Variants in ZNF221 observed in about 807,000 individuals in gnomAD.
ZNF221 encodes the protein zinc finger protein 221.
In ZNF221, 10 loss-of-function variants were observed where a neutral mutation model predicts 12.6. That is an observed-to-expected ratio of 0.79 (90% CI 0.49 to 1.34). The LOEUF (loss-of-function observed/expected upper bound fraction) is 1.34. ZNF221 is among the 40% of genes most tolerant of loss of function. The pLI, the probability that ZNF221 is intolerant of heterozygous loss-of-function variation, is 0.00. For missense variants in ZNF221, 661 were observed against 721.4 expected, an observed-to-expected ratio of 0.92 and a Z score of 0.96; for synonymous variants, 232 against 244.0, an observed-to-expected ratio of 0.95 and a Z score of 0.46.
intron 1 of ZNF221, among the ~76,000 whole-genome samples, chr19:43,955,421 C>G (rs1275881268): frequency 6.6e-6 from 1 of 152,178 alleles, no homozygotes; most frequent in Admixed American, 6.5e-5. Flanking sequence ...ATTTCACGGA[C>G]CCAGGCAGCC....
chr19:43,974,053 C>T, the ZNF221 span, among the ~76,000 whole-genome samples: 1 of 152,088 alleles, frequency 6.6e-6, no homozygotes, highest in Non-Finnish European at 1.5e-5. Flanking sequence ...CAAAAACAGA[C>T]ACATAGACAA....
In ZNF221 at chr19:43,967,227, A is replaced by G; in HGVS notation, c.1725A>G (p.Ser575=). 2.5e-6 allele frequency: 4 copies of G among 1,613,902 alleles called. No homozygotes were observed. Among genetic ancestry groups the G allele is most frequent in the Non-Finnish European group, 3.4e-6 (4 of 1,179,920 alleles). Residue 575 remains serine (S), a synonymous_variant, in exon 5 of 5, where the codon TCA becomes TCG. Coordinates refer to ENST00000587682, the MANE Select transcript of ZNF221 (RefSeq NM_001297588.2). ...KECGKSFGWA[S]CLLKHQRLHS... ...GTGGAAAGAGCTTTGGCTGGGCTTC[A>G]TGTCTTTTGAAACATCAGAGACTCC...
intron 1 of ZNF221, among the ~76,000 whole-genome samples, chr19:43,953,091 C>G (rs1351691117): frequency 1.3e-5 from 2 of 151,992 alleles, no homozygotes; most frequent in Admixed American, 6.6e-5. Flanking sequence ...CTTAGCCTCC[C>G]AAGTAGCTGG....
At position 43,952,410 on chromosome 19, in the gene ZNF221, A is replaced by G. The variant is rs185231457; in HGVS notation, c.-3+1010A>G. ...ATTTTTCTTTTACAGTAACGTTCAC[A>G]TCTATTGTAGGATGCTGTAATCGGG... On this transcript the variant is annotated intron_variant, in intron 1 of 4. Transcript: ENST00000587682. Among the ~76,000 whole-genome samples the G allele has an allele frequency of 6.1e-4, 93 of 152,322 alleles. 1 individual carries two copies. The highest frequency in any genetic ancestry group is 6.8e-3 in the Middle Eastern group (2 of 294).
At position 43,966,197 on chromosome 19, in the gene ZNF221, G is replaced by A. The variant is rs1974949371; in HGVS notation, c.695G>A (p.Gly232Asp). The A allele has an allele frequency of 6.2e-7, 1 of 1,614,186 alleles. No homozygotes were observed. Among genetic ancestry groups the A allele is most frequent in the Non-Finnish European group, 8.5e-7 (1 of 1,180,038 alleles). Residue 232 changes from glycine to aspartate, a missense_variant, in exon 5 of 5, where the codon GGT becomes GAT. Physicochemically the swap from Gly to Asp is moderately conservative, Grantham distance 94. Transcript: ENST00000587682. ...GEKCYKCDVC[G>D]KEFNQSSHLQ... ...AAATGCTATAAGTGTGATGTGTGTGGTAAGGAATTTAATCAGAGCTCACAT... is the reference window on the plus strand; with the variant it reads ...AAATGCTATAAGTGTGATGTGTGTGATAAGGAATTTAATCAGAGCTCACAT...
chr19:43,964,757 G>A (rs1974907852), intron 2 of ZNF221, among the ~76,000 whole-genome samples, 193 bp from the exon 3 acceptor site: 1 of 152,138 alleles, frequency 6.6e-6, no homozygotes, highest in Admixed American at 6.6e-5. Flanking sequence ...TTGCACTTCT[G>A]ATGAAGCTCA....
In ZNF221 at chr19:43,966,689, G is replaced by A. The variant is rs750797026; in HGVS notation, c.1187G>A (p.Cys396Tyr). The A allele has an allele frequency of 3.1e-6, 5 of 1,614,222 alleles. No homozygotes were observed. In the South Asian group the frequency reaches 3.3e-5, roughly 11 times the overall value. ...CACACAGGAGAGAAACCATATAATT[G>A]TAAAGAATGTGGGAAGACCTTCAGA... The part of the protein sequence containing the change: ...MVHTGEKPYN[C>Y]KECGKTFRWS... The change falls in exon 5 of 5, where the codon TGT becomes TAT. Residue 396 changes from cysteine to tyrosine, a missense_variant. Cys to Tyr is a radical substitution (Grantham distance 194). Coordinates refer to ENST00000587682, the MANE Select transcript of ZNF221 (RefSeq NM_001297588.2).
chr19:43,971,618 A>T (rs537073624), downstream of ZNF221, among the ~76,000 whole-genome samples: 209 of 143,218 alleles, frequency 1.5e-3, no homozygotes, highest in Non-Finnish European at 2.6e-3. Flanking sequence ...CTAGTTTTTG[A>T]CAAAACAGAC....
rs1262587514 is a variant in ZNF221 at position 43,951,397 on chromosome 19, A to G, written c.-6A>G. On this transcript the variant is annotated 5_prime_UTR_variant, in exon 1 of 5. Transcript: ENST00000587682. ...AGGAAAGGAAGCACCGTCGGAAAGCAAAGGTTTGGAAGGGTGAGGGCGGCG... is the reference window on the plus strand; with the variant it reads ...AGGAAAGGAAGCACCGTCGGAAAGCGAAGGTTTGGAAGGGTGAGGGCGGCG... 1 of 152,308 alleles carries G rather than the reference A, an allele frequency of 6.6e-6. No homozygotes were observed. The highest frequency in any genetic ancestry group is 2.4e-5 in the African/African-American group (1 of 41,462). 9.4% of individuals were successfully genotyped at this position (152,308 alleles called of 1,614,324 possible). A position where few individuals can be genotyped will look rare whatever the true frequency, so the allele number is the denominator to read the frequency against.
chr19:43,964,275 C>T (rs1974898911), intron 2 of ZNF221, among the ~76,000 whole-genome samples: 1 of 152,034 alleles, frequency 6.6e-6, no homozygotes, highest in South Asian at 2.1e-4. Context: ...AAAAACGATA[C>T]CAGGTGAAAA....
intron 1 of ZNF221, among the ~76,000 whole-genome samples, chr19:43,954,572 C>T (rs755926536): frequency 5.9e-5 from 9 of 152,142 alleles, no homozygotes; most frequent in Non-Finnish European, 8.8e-5. Flanking sequence ...TCAGGAAATA[C>T]AGTTATATTC....
intron 4 of ZNF221, among the ~76,000 whole-genome samples, chr19:43,965,598 T>C (rs376017862): frequency 2.6e-5 from 4 of 152,220 alleles, no homozygotes; most frequent in East Asian, 3.8e-4. Flanking sequence ...AATTCAGTCT[T>C]TTATTTCTAC....
the ZNF221 span, chr19:43,977,560 A>G: frequency 6.6e-6 from 1 of 152,192 alleles, no homozygotes; most frequent in African/African-American, 2.4e-5. Flanking sequence ...ATGTGGGTAT[A>G]TATAGTTGTG....
chr19:43,955,405 C>T (rs536153918), intron 1 of ZNF221, among the ~76,000 whole-genome samples: 28 of 152,312 alleles, frequency 1.8e-4, no homozygotes, highest in African/African-American at 6.7e-4. Flanking sequence ...ACTCCCATAT[C>T]CACTAATTTC....
the ZNF221 span, among the ~76,000 whole-genome samples, chr19:43,978,869 G>C: frequency 1.6e-3 from 235 of 151,028 alleles, no homozygotes; most frequent in Non-Finnish European, 2.8e-3. Context: ...ATTATTCTCT[G>C]ACCATATCAG....
chr19:43,960,638 A>G (rs956181933), intron 1 of ZNF221, among the ~76,000 whole-genome samples: 2 of 152,226 alleles, frequency 1.3e-5, no homozygotes, highest in Non-Finnish European at 2.9e-5. Flanking sequence ...TGCCCTGAGC[A>G]GCCTCAAGAC....
chr19:43,957,297 CAGCCTTCCAAGT>C (rs1568474909), intron 1 of ZNF221, among the ~76,000 whole-genome samples: 2 of 152,152 alleles, frequency 1.3e-5, no homozygotes, highest in African/African-American at 4.8e-5. Context: ...TCTCCTGCCT[CAGCCTTCCAAGT>C]AGCTGGGATT....
chr19:43,959,530 A>T (rs118043010), intron 1 of ZNF221, among the ~76,000 whole-genome samples: 5,500 of 152,278 alleles, frequency 0.036, 148 homozygotes, highest in South Asian at 0.1. Context: ...TAAATGGCTT[A>T]GTGCTATCCC....
In ZNF221 at chr19:43,964,824, T is replaced by C. The variant is rs1386443134; in HGVS notation, c.82-126T>C. ...AGGCAGAATGAGTGGGAAATCTGTA[T>C]GTTGACCTACATCCCTCAAGATCTA... On this transcript the variant is annotated intron_variant, in intron 2 of 4. Coordinates refer to ENST00000587682, the MANE Select transcript of ZNF221 (RefSeq NM_001297588.2). 3.1e-6 allele frequency: 4 copies of C among 1,270,088 alleles called. No individual in the cohort carries two copies. In the African/African-American group the frequency reaches 6.0e-5, roughly 19 times the overall value. 78.7% of individuals were successfully genotyped at this position (1,270,088 alleles called of 1,614,324 possible).
Sources: gnomAD v4.1 joint callset for allele counts (sites outside exome capture counted in the v4.1 genomes callset) on GRCh38, gnomAD v4.1.1 for gene constraint, MANE v1.5 for transcripts, NCBI Gene and HGNC (gene_info 2026-07-23, HGNC 2026-07-21) for gene names.